The following MAP3K21 variants were observed in gnomAD, a reference collection of about 807,000 sequenced individuals.
The protein encoded by MAP3K21 is mitogen-activated protein kinase kinase kinase 21.
MAP3K21 carries 63 observed loss-of-function variants against 86.1 expected under a neutral mutation model. That is an observed-to-expected ratio of 0.73 (90% CI 0.60 to 0.90). MAP3K21 has a LOEUF of 0.90. Ranked by LOEUF, MAP3K21 falls within the 40% of genes least tolerant of loss-of-function variation. The pLI is 0.00. For missense variants in MAP3K21, 1,220 were observed against 1,367.7 expected (o/e 0.89, Z 1.70); for synonymous variants, 558 against 564.8 (o/e 0.99, Z 0.17).
chr1:233,353,095 C>T (rs1031038173), intron 2 of MAP3K21, among the ~76,000 whole-genome samples: 1 of 152,136 alleles, frequency 6.6e-6, no homozygotes, highest in Admixed American at 6.5e-5. Flanking sequence ...GCTGTATCTG[C>T]ATCACATGTG....
chr1:233,371,690 A>G (rs1663682569), intron 5 of MAP3K21, among the ~76,000 whole-genome samples: 1 of 152,008 alleles, frequency 6.6e-6, no homozygotes. Context: ...CTGAATGCAG[A>G]TAACTCTTTT....
rs745552214 is a variant in MAP3K21 at position 233,379,338 on chromosome 1, A to G, written c.2332A>G (p.Thr778Ala). ...GTCCCGCAGAAGCGCCAGTCCTCCCACAAGCCTGCCATCCACCTGTGGGGA... is the reference window on the plus strand; with the variant it reads ...GTCCCGCAGAAGCGCCAGTCCTCCCGCAAGCCTGCCATCCACCTGTGGGGA... ...SKSRRSASPP[T>A]SLPSTCGEAS... The change falls in exon 9 of 10, where the codon ACA becomes GCA. Residue 778 changes from threonine to alanine, a missense_variant. Thr to Ala is a moderately conservative substitution (Grantham distance 58). Around this residue, in one of 5 missense-constraint regions of MAP3K21, gnomAD observed 632 missense variants for 691.3 expected, o/e 0.91. Coordinates refer to ENST00000366624, the MANE Select transcript of MAP3K21 (RefSeq NM_032435.3). 6.2e-7 allele frequency: 1 copy of G among 1,614,052 alleles called. No homozygotes were observed. The highest frequency in any genetic ancestry group is 1.3e-5 in the African/African-American group (1 of 74,920).
At chr1:233,336,401 C>T (rs952414689) in intron 1 of MAP3K21, among the ~76,000 whole-genome samples, 18 of 151,948 alleles carry the variant, frequency 1.2e-4, no homozygotes, top group Non-Finnish European at 2.4e-4. Flanking sequence ...ATTAGCCGGA[C>T]GTGGTGGTGG....
chr1:233,375,861 C>T (rs1439449254), intron 6 of MAP3K21, 55 bp from the exon 7 acceptor site: 1 of 1,423,324 alleles, frequency 7.0e-7, no homozygotes, highest in Non-Finnish European at 9.8e-7. Context: ...TTAACAAAGC[C>T]AATATTGGTT....
At chr1:233,347,813 T>C (rs748692724) in intron 2 of MAP3K21, among the ~76,000 whole-genome samples, 4 of 152,182 alleles carry the variant, frequency 2.6e-5, no homozygotes, top group Admixed American at 6.5e-5. Flanking sequence ...GGACCATTTG[T>C]ATCCCAAACC....
Position 233,328,689 on chromosome 1 carries a change from C to T in MAP3K21, c.661C>T (p.Pro221Ser). 1 of 1,355,552 alleles carries T rather than the reference C, an allele frequency of 7.4e-7. No homozygotes were observed. Among genetic ancestry groups the T allele is most frequent in the Non-Finnish European group, 9.5e-7 (1 of 1,051,294 alleles). 84.0% of individuals were successfully genotyped at this position (1,355,552 alleles called of 1,614,324 possible). A position where few individuals can be genotyped will look rare whatever the true frequency, so the allele number is the denominator to read the frequency against. ...ALAAANAAPD[P>S]RAPGPRRARR... The stretch of plus-strand genomic sequence containing the variant: ...GGCCGCTGCCAACGCCGCCCCGGAC[C>T]CGCGCGCGCCCGGCCCCCGCCGCGC... Residue 221 changes from proline to serine, a missense_variant, in exon 1 of 10, where the codon CCG (proline) becomes TCG (serine). Physicochemically the swap from Pro to Ser is moderately conservative, Grantham distance 74. Transcript: ENST00000366624. This position sits in a 1 kb window ranked among gnomAD's most constrained non-coding sequence, Gnocchi z 8.7.
intron 1 of MAP3K21, among the ~76,000 whole-genome samples, chr1:233,332,055 C>T (rs1235613137): frequency 6.6e-6 from 1 of 152,126 alleles, no homozygotes; most frequent in Non-Finnish European, 1.5e-5. Flanking sequence ...CTGTGAAAAT[C>T]GCCAGTGTTA....
intron 1 of MAP3K21, among the ~76,000 whole-genome samples, chr1:233,339,909 A>G (rs1663007055): frequency 6.6e-6 from 1 of 152,162 alleles, no homozygotes; most frequent in Non-Finnish European, 1.5e-5. Flanking sequence ...CATCTTCTTC[A>G]TATTCATTCT....
intron 5 of MAP3K21, among the ~76,000 whole-genome samples, chr1:233,369,867 G>C (rs1371204817): frequency 6.6e-6 from 1 of 152,168 alleles, no homozygotes; most frequent in African/African-American, 2.4e-5. Flanking sequence ...AGGCTGTGAC[G>C]AGTGAGAGGA....
At chr1:233,369,661 G>A (rs1238477665) in intron 5 of MAP3K21, among the ~76,000 whole-genome samples, 1 of 151,962 alleles carries the variant, frequency 6.6e-6, no homozygotes, top group African/African-American at 2.4e-5. Context: ...ATACTTCATT[G>A]CACCTGACAT....
In MAP3K21 at chr1:233,327,787, T is replaced by C; in HGVS notation, c.-242T>C. The C allele has an allele frequency of 2.4e-5, 7 of 296,220 alleles. No homozygotes were observed. The highest frequency in any genetic ancestry group is 4.3e-5 in the Non-Finnish European group (7 of 162,604). 18.3% of individuals were successfully genotyped at this position (296,220 alleles called of 1,614,324 possible). Reference sequence around the variant, plus strand: ...CGGCCGCAGGGCCTGGGCACGACCATGGTGGGACGTCGCCCGCGGCTTCGG... The same window carrying C: ...CGGCCGCAGGGCCTGGGCACGACCACGGTGGGACGTCGCCCGCGGCTTCGG... On this transcript the variant is annotated 5_prime_UTR_variant, in exon 1 of 10. An upstream start codon of the reference 5' UTR is lost. Coordinates refer to ENST00000366624, the MANE Select transcript of MAP3K21 (RefSeq NM_032435.3).
intron 5 of MAP3K21, among the ~76,000 whole-genome samples, chr1:233,365,184 A>G (rs1455368987): frequency 6.6e-6 from 1 of 152,190 alleles, no homozygotes; most frequent in Non-Finnish European, 1.5e-5. Context: ...GTATTGTTTA[A>G]TAGGGGAAAC....
At chr1:233,332,587 A>G (rs1662828730) in intron 1 of MAP3K21, among the ~76,000 whole-genome samples, 1 of 152,154 alleles carries the variant, frequency 6.6e-6, no homozygotes, top group Admixed American at 6.5e-5. Context: ...ATGGCTTTCA[A>G]GGTTGTCTAT....
chr1:233,342,356 A>G (rs1018574353), intron 1 of MAP3K21, among the ~76,000 whole-genome samples: 1 of 152,200 alleles, frequency 6.6e-6, no homozygotes, highest in African/African-American at 2.4e-5. Flanking sequence ...GACTAGTGTC[A>G]CAATCAAATG....
chr1:233,381,771 T>C (rs929087584), intron 9 of MAP3K21, among the ~76,000 whole-genome samples: 4 of 152,198 alleles, frequency 2.6e-5, no homozygotes, highest in Admixed American at 1.3e-4. Flanking sequence ...TATTCAGTTC[T>C]TCAGTACAAA....
Position 233,328,322 on chromosome 1 carries a change from TCCCTGCCG to T in MAP3K21, c.298_305del (p.Cys100GlyfsTer151). On this transcript the variant is annotated frameshift_variant, in exon 1 of 10. Coordinates refer to ENST00000366624, the MANE Select transcript of MAP3K21 (RefSeq NM_032435.3). LOFTEE classifies it high-confidence loss of function. This position sits in a 1 kb window ranked among gnomAD's most constrained non-coding sequence, Gnocchi z 8.7. ...GCATCTTCCCCGCCAACTACGTGGC[TCCCTGCCG>T]CCCGGCCGCCAGCCCCGCGCCGCCG... 6.8e-7 allele frequency: 1 copy of T among 1,476,402 alleles called. No individual in the cohort carries two copies. Among genetic ancestry groups the T allele is most frequent in the Non-Finnish European group, 8.9e-7 (1 of 1,122,000 alleles). The allele number at this position is 1,476,402 out of a possible 1,614,324, so 91.5% of individuals were successfully genotyped here.
intron 1 of MAP3K21, among the ~76,000 whole-genome samples, chr1:233,339,821 T>C (rs1420669935): frequency 6.8e-6 from 1 of 146,692 alleles, no homozygotes; most frequent in Non-Finnish European, 1.5e-5. Flanking sequence ...TCCTAATACA[T>C]TTTTAGGAGG....
intron 7 of MAP3K21, 91 bp from the exon 8 acceptor site, chr1:233,376,339 C>A (rs1663795776): frequency 3.2e-6 from 3 of 934,626 alleles, no homozygotes; most frequent in Admixed American, 2.3e-5. Context: ...CTCTTTACTA[C>A]CTTAAAAATA....
intron 1 of MAP3K21, among the ~76,000 whole-genome samples, chr1:233,340,413 G>C (rs1294268): frequency 3.3e-5 from 5 of 152,032 alleles, no homozygotes; most frequent in African/African-American, 7.2e-5. Flanking sequence ...AGGCAATGCT[G>C]TAGATTTTAG....
Sources: allele counts gnomAD v4.1 joint callset (sites outside exome capture counted in the v4.1 genomes callset), GRCh38; gene constraint gnomAD v4.1.1; regional missense constraint gnomAD v4.1.1; non-coding constraint Gnocchi (gnomAD v3.1); transcripts MANE v1.5; gene names NCBI Gene and HGNC (gene_info 2026-07-23, HGNC 2026-07-21).